TMEM67: variants seen among roughly 807,000 people sequenced by gnomAD.
The protein encoded by TMEM67 is transmembrane protein 67, also known as meckelin.
Under a neutral mutation model 136.6 loss-of-function variants are expected in TMEM67, and 124 were observed. The observed-to-expected ratio is 0.91, with a 90% CI of 0.78 to 1.05. TMEM67 has a LOEUF of 1.05. Among genes scored for constraint, TMEM67 ranks in the 50% least tolerant of loss-of-function variants. The pLI is 0.00. For synonymous variants in TMEM67, 364 were observed against 390.5 expected (o/e 0.93, Z 0.80); for missense variants, 1,107 against 1,178.4 (o/e 0.94, Z 0.89).
At chr8:93,828,104 G>A in the TMEM67 span, among the ~76,000 whole-genome samples, 1 of 152,066 alleles carries the variant, frequency 6.6e-6, no homozygotes, top group Non-Finnish European at 1.5e-5. Flanking sequence ...TATTGGGAAG[G>A]ACAAAGCCCT....
chr8:93,791,182 C>G, intron 14 of TMEM67, 81 bp from the exon 15 acceptor site: 1 of 944,178 alleles, frequency 1.1e-6, no homozygotes, highest in East Asian at 2.6e-5. Context: ...TAAAACCCAG[C>G]TACAAATGTA....
Position 93,754,999 on chromosome 8 carries a change from T to C in TMEM67, c.85T>C (p.Phe29Leu), listed in dbSNP as rs761325364. 1 of 1,614,230 alleles carries C rather than the reference T, an allele frequency of 6.2e-7. No homozygotes were observed. Among genetic ancestry groups the C allele is most frequent in the Non-Finnish European group, 8.5e-7 (1 of 1,180,040 alleles). Reference sequence around the variant, plus strand: ...GGCCGTGACCGCGTTCCTTCTGTTGTTCCTCCCTCGCTTCTTACAGGCCCA... The same window carrying C: ...GGCCGTGACCGCGTTCCTTCTGTTGCTCCTCCCTCGCTTCTTACAGGCCCA... Reference protein sequence around the residue: ...ARAVTAFLLLFLPRFLQAQTF... With the variant: ...ARAVTAFLLLLLPRFLQAQTF... Residue 29 changes from phenylalanine to leucine, a missense_variant, in exon 1 of 28, where the codon TTC (phenylalanine) becomes CTC (leucine). Transcript: ENST00000453321.
chr8:93,757,585 G>A (rs1179396992), intron 2 of TMEM67, among the ~76,000 whole-genome samples: 5 of 150,322 alleles, frequency 3.3e-5, no homozygotes, highest in Admixed American at 6.6e-5. Flanking sequence ...GCAGTGAGCC[G>A]AGATTGTGCC....
downstream of TMEM67, among the ~76,000 whole-genome samples, chr8:93,823,590 A>G (rs1296809949): frequency 6.6e-6 from 1 of 152,132 alleles, no homozygotes; most frequent in African/African-American, 2.4e-5. Flanking sequence ...GCTGGCCAGG[A>G]CTATAGGATG....
At chr8:93,778,665 G>C (rs1813669727) in intron 7 of TMEM67, among the ~76,000 whole-genome samples, 1 of 152,192 alleles carries the variant, frequency 6.6e-6, no homozygotes, top group Non-Finnish European at 1.5e-5. Flanking sequence ...TTTTCTTTAA[G>C]AATGTTGAAT....
intron 17 of TMEM67, 46 bp from the exon 18 acceptor site, chr8:93,795,852 CAAA>C: frequency 1.5e-6 from 2 of 1,374,768 alleles, no homozygotes; most frequent in African/African-American, 1.5e-5. Context: ...AACAAACAAA[CAAA>C]AAAAACTGTG....
intron 27 of TMEM67, among the ~76,000 whole-genome samples, chr8:93,815,927 C>A (rs1055492159): frequency 3.3e-5 from 5 of 152,330 alleles, no homozygotes; most frequent in African/African-American, 1.2e-4. Context: ...ATTGGCAAAT[C>A]TGTTCTTGAA....
At chr8:93,802,695 G>A (rs1210687208) in intron 21 of TMEM67, among the ~76,000 whole-genome samples, 1 of 152,202 alleles carries the variant, frequency 6.6e-6, no homozygotes, top group Non-Finnish European at 1.5e-5. Context: ...CAGCTTTTAA[G>A]TGGTGTCTTT....
chr8:93,762,645 G>A (rs1030116811), intron 3 of TMEM67, among the ~76,000 whole-genome samples: 1 of 152,024 alleles, frequency 6.6e-6, no homozygotes, highest in African/African-American at 2.4e-5. Context: ...ACGGTATTTG[G>A]GGGGTGTATT....
At position 93,786,239 on chromosome 8, in the gene TMEM67, G is replaced by A. The variant is rs976136796; in HGVS notation, c.1305G>A (p.Lys435=). 6 of 1,614,038 alleles carry A rather than the reference G, an allele frequency of 3.7e-6. No homozygotes were observed. Among genetic ancestry groups the A allele is most frequent in the Non-Finnish European group, 5.1e-6 (6 of 1,179,970 alleles). ...IFVNQDSNSG[K]WLLTRRIFLV... is the part of the protein sequence containing the mutation. ...TAATAAAAGACAGCAACTCTGGAAA[G>A]TGGCTTCTAACTCGGCGCATTTTCT... Residue 435 remains lysine (K), a synonymous_variant, in exon 13 of 28, where the codon AAG becomes AAA. Coordinates refer to ENST00000453321, the MANE Select transcript of TMEM67 (RefSeq NM_153704.6).
chr8:93,802,928 G>C (rs1469263855), intron 21 of TMEM67, among the ~76,000 whole-genome samples: 1 of 152,170 alleles, frequency 6.6e-6, no homozygotes. Flanking sequence ...GCTGTGAAGA[G>C]AATCAGCAGG....
At chr8:93,783,515 T>A (rs1813944800) in intron 11 of TMEM67, among the ~76,000 whole-genome samples, 1 of 152,252 alleles carries the variant, frequency 6.6e-6, no homozygotes. Flanking sequence ...CTTCCTTCTC[T>A]GACTTTCCTT....
At chr8:93,774,316 A>C (rs1292062188) in intron 7 of TMEM67, among the ~76,000 whole-genome samples, 4 of 152,202 alleles carry the variant, frequency 2.6e-5, no homozygotes, top group Non-Finnish European at 5.9e-5. Flanking sequence ...TGCCCGGCTT[A>C]GAATAGGCAA....
Position 93,803,879 on chromosome 8 carries a change from ATTT to A in TMEM67, c.2322+208_2322+210del, listed in dbSNP as rs377147074. Reference sequence around the variant, plus strand: ...ACTGCCTTAGTTTTTTCATTTTTTCATTTTTTTTTTTTTTTGAAACGGTCTTGC... The same window carrying A: ...ACTGCCTTAGTTTTTTCATTTTTTCATTTTTTTTTTTTGAAACGGTCTTGC... On this transcript the variant is annotated intron_variant, in intron 22 of 27. Transcript: ENST00000453321. 0.019 allele frequency among the ~76,000 whole-genome samples: 2,681 copies of A among 139,062 alleles called. 78 individuals carry two copies. Among genetic ancestry groups the A allele is most frequent in the African/African-American group, 0.064 (2,446 of 38,026 alleles). The allele number at this position is 139,062 out of a possible 152,430, so 91.2% of individuals were successfully genotyped here. A position where few individuals can be genotyped will look rare whatever the true frequency, so the allele number is the denominator to read the frequency against.
At chr8:93,825,889 C>T in the TMEM67 span, among the ~76,000 whole-genome samples, 1 of 152,122 alleles carries the variant, frequency 6.6e-6, no homozygotes, top group African/African-American at 2.4e-5. Flanking sequence ...TTTGGGTGTA[C>T]ACATACAGCC....
In TMEM67 at chr8:93,755,050, C is replaced by G; in HGVS notation, c.136C>G (p.Pro46Ala). The G allele has an allele frequency of 3.1e-6, 5 of 1,614,216 alleles. No individual in the cohort carries two copies. The highest frequency in any genetic ancestry group is 4.2e-6 in the Non-Finnish European group (5 of 1,180,046). The change falls in exon 1 of 28, where the codon CCG (proline) becomes GCG (alanine). Residue 46 changes from proline to alanine, a missense_variant. Pro to Ala is a conservative substitution (Grantham distance 27). Coordinates refer to ENST00000453321, the MANE Select transcript of TMEM67 (RefSeq NM_153704.6). ...AQTFSFPFQQPEKCDNNQYFD... is the reference protein window; with the variant it reads ...AQTFSFPFQQAEKCDNNQYFD... ...GACCTTCTCTTTCCCTTTCCAGCAG[C>G]CGGAGAAGTGCGACAACAACCAGTA... is the stretch of plus-strand genomic sequence containing the variant.
At chr8:93,807,313 A>G (rs1398124804) in intron 23 of TMEM67, among the ~76,000 whole-genome samples, 1 of 152,174 alleles carries the variant, frequency 6.6e-6, no homozygotes, top group Non-Finnish European at 1.5e-5. Flanking sequence ...CAATATGAAC[A>G]GCTACTTAAA....
intron 23 of TMEM67, 44 bp from the exon 24 acceptor site, chr8:93,808,796 T>A (rs1371431233): frequency 7.7e-7 from 1 of 1,302,354 alleles, no homozygotes; most frequent in South Asian, 1.2e-5. Flanking sequence ...AGGCAGGAAA[T>A]TTTTTATAAT....
At chr8:93,787,736 C>G (rs1200307332) in intron 13 of TMEM67, 108 bp from the exon 14 acceptor site, 2 of 880,578 alleles carry the variant, frequency 2.3e-6, no homozygotes, top group Non-Finnish European at 3.8e-6. Flanking sequence ...CTACTTGGTT[C>G]TGAGATCATC....
Sources: gnomAD v4.1 joint callset for allele counts (sites outside exome capture counted in the v4.1 genomes callset) on GRCh38, gnomAD v4.1.1 for gene constraint, MANE v1.5 for transcripts, NCBI Gene and HGNC (gene_info 2026-07-23, HGNC 2026-07-21) for gene names.